Variants in LYZ observed in about 807,000 individuals in gnomAD.
LYZ encodes the protein lysozyme, also known as lysozyme C.
LYZ carries 18 observed loss-of-function variants against 15.8 expected under a neutral mutation model. The ratio of observed to expected loss-of-function variants is 1.14; its 90% CI spans 0.79 to 1.69. The LOEUF (loss-of-function observed/expected upper bound fraction) is 1.69. Among genes scored for constraint, LYZ ranks in the 40% most tolerant of loss-of-function variants. LYZ has a pLI of 0.00. For missense variants in LYZ, 139 were observed against 182.8 expected (o/e 0.76, Z 1.38); for synonymous variants, 60 against 61.7 (o/e 0.97, Z 0.13).
Position 69,353,692 on chromosome 12 carries a change from G to A in LYZ, c.*473G>A, listed in dbSNP as rs1874899583. 2 of 205,772 alleles carry A rather than the reference G, an allele frequency of 9.7e-6. No homozygotes were observed. Among genetic ancestry groups the A allele is most frequent in the Admixed American group, 5.4e-5 (1 of 18,548 alleles). The allele number at this position is 205,772 out of a possible 1,614,324, so 12.7% of individuals were successfully genotyped here. On this transcript the variant is annotated 3_prime_UTR_variant, in exon 4 of 4. Transcript: ENST00000261267. Reference sequence around the variant, plus strand: ...TTTAGTAGAGACAGGGTTTCACCGTGTTAGCCAGGATGGTCTCGATCTCCT... The same window carrying A: ...TTTAGTAGAGACAGGGTTTCACCGTATTAGCCAGGATGGTCTCGATCTCCT...
chr12:69,350,365 C>A, intron 2 of LYZ, 93 bp downstream of exon 2: 1 of 1,242,816 alleles, frequency 8.0e-7, no homozygotes, highest in Non-Finnish European at 1.2e-6. Flanking sequence ...CATGAGGGAC[C>A]TAGAAAAACT....
chr12:69,348,483 G>T lies in LYZ; in HGVS notation c.75G>T (p.Glu25Asp). The change falls in exon 1 of 4, where the codon GAG (glutamate) becomes GAT (aspartate). Residue 25 changes from glutamate (E) to aspartate (D), a missense_variant. Transcript: ENST00000261267. Reference sequence around the variant, plus strand: ...AGGGCAAGGTCTTTGAAAGGTGTGAGTTGGCCAGAACTCTGAAAAGATTGG... The same window carrying T: ...AGGGCAAGGTCTTTGAAAGGTGTGATTTGGCCAGAACTCTGAAAAGATTGG... The part of the protein sequence containing the change: ...TVQGKVFERC[E>D]LARTLKRLGM... 6.2e-7 allele frequency: 1 copy of T among 1,614,206 alleles called. No individual in the cohort carries two copies. The highest frequency in any genetic ancestry group is 8.5e-7 in the Non-Finnish European group (1 of 1,180,040).
Position 69,353,224 on chromosome 12 carries a change from A to C in LYZ, c.*5A>C. On this transcript the variant is annotated 3_prime_UTR_variant, in exon 4 of 4. Coordinates refer to ENST00000261267, the MANE Select transcript of LYZ (RefSeq NM_000239.3). Reference sequence around the variant, plus strand: ...GTTCAAGGTTGTGGAGTGTAACTCCAGAATTTTCCTTCTTCAGCTCATTTT... The same window carrying C: ...GTTCAAGGTTGTGGAGTGTAACTCCCGAATTTTCCTTCTTCAGCTCATTTT... The C allele has an allele frequency of 6.2e-7, 1 of 1,612,830 alleles. No homozygotes were observed. Among genetic ancestry groups the C allele is most frequent in the Non-Finnish European group, 8.5e-7 (1 of 1,178,778 alleles).
chr12:69,350,235 C>A lies in LYZ; in HGVS notation c.264C>A (p.Thr88=). 6.2e-7 allele frequency: 1 copy of A among 1,614,010 alleles called. No homozygotes were observed. Among genetic ancestry groups the A allele is most frequent in the Non-Finnish European group, 8.5e-7 (1 of 1,179,980 alleles). Residue 88 remains threonine, a synonymous_variant, in exon 2 of 4, where the codon ACC becomes ACA. Coordinates refer to ENST00000261267, the MANE Select transcript of LYZ (RefSeq NM_000239.3). ...NSRYWCNDGK[T]PGAVNACHLS... ...GCTACTGGTGTAATGATGGCAAAAC[C>A]CCAGGAGCAGTTAATGCCTGTCATT...
At position 69,353,245 on chromosome 12, in the gene LYZ, A is replaced by G. The variant is rs749506970; in HGVS notation, c.*26A>G. 2.6e-6 allele frequency: 4 copies of G among 1,565,864 alleles called. No homozygotes were observed. Among genetic ancestry groups the G allele is most frequent in the Non-Finnish European group, 3.5e-6 (4 of 1,136,170 alleles). ...CTCCAGAATTTTCCTTCTTCAGCTC[A>G]TTTTGTCTCTCTCACATTAAGGGAG... On this transcript the variant is annotated 3_prime_UTR_variant, in exon 4 of 4. Coordinates refer to ENST00000261267, the MANE Select transcript of LYZ (RefSeq NM_000239.3).
chr12:69,352,399 A>G, intron 3 of LYZ, 101 bp downstream of exon 3: 1 of 872,340 alleles, frequency 1.1e-6, no homozygotes, highest in Admixed American at 2.1e-5. Context: ...TGACACCTCA[A>G]AATTGCAGCT....
intron 2 of LYZ, 71 bp downstream of exon 2, chr12:69,350,343 C>A (rs779167546): frequency 1.3e-6 from 2 of 1,535,334 alleles, no homozygotes; most frequent in Non-Finnish European, 9.0e-7. Flanking sequence ...AATGAAAAAG[C>A]CTTGAAAGGT....
At chr12:69,352,589 G>A (rs1011016041) in intron 3 of LYZ, among the ~76,000 whole-genome samples, 6 of 152,124 alleles carry the variant, frequency 3.9e-5, no homozygotes, top group Admixed American at 3.9e-4. Flanking sequence ...ATAAGTAAGT[G>A]TGGGCCGGGC....
chr12:69,351,293 G>A (rs1312123794), intron 2 of LYZ, among the ~76,000 whole-genome samples: 3 of 151,720 alleles, frequency 2.0e-5, no homozygotes, highest in Non-Finnish European at 1.5e-5. Context: ...CAGAAATCTT[G>A]CAAAGTTGAT....
chr12:69,351,868 A>C (rs574791821), intron 2 of LYZ, among the ~76,000 whole-genome samples: 2 of 152,286 alleles, frequency 1.3e-5, no homozygotes, highest in East Asian at 3.8e-4. Flanking sequence ...CTTTTTGTAT[A>C]CATCTTTGGG....
At position 69,348,503 on chromosome 12, in the gene LYZ, G is replaced by C. The variant is rs367859472; in HGVS notation, c.95G>C (p.Arg32Thr). Residue 32 changes from arginine to threonine, a missense_variant, in exon 1 of 4, where the codon AGA (arginine) becomes ACA (threonine). Physicochemically the swap from Arg to Thr is moderately conservative, Grantham distance 71. Transcript: ENST00000261267. Reference protein sequence around the residue: ...ERCELARTLKRLGMDGYRGIS... With the variant: ...ERCELARTLKTLGMDGYRGIS... ...TGTGAGTTGGCCAGAACTCTGAAAA[G>C]ATTGGGAATGGATGGCTACAGGGGA... The C allele has an allele frequency of 1.1e-5, 17 of 1,614,102 alleles. No individual in the cohort carries two copies. The highest frequency in any genetic ancestry group is 1.4e-5 in the Non-Finnish European group (16 of 1,180,044).
intron 1 of LYZ, 25 bp downstream of exon 1, chr12:69,348,569 G>C: frequency 6.2e-7 from 1 of 1,613,874 alleles, no homozygotes; most frequent in South Asian, 1.1e-5. Flanking sequence ...CATAATTCCA[G>C]AGAATTAGCT....
intron 1 of LYZ, among the ~76,000 whole-genome samples, chr12:69,349,796 T>C (rs1310805037): frequency 1.3e-5 from 2 of 152,196 alleles, no homozygotes; most frequent in African/African-American, 4.8e-5. Flanking sequence ...TCTGTTGATT[T>C]TTCTGTTCTT....
At position 69,352,266 on chromosome 12, in the gene LYZ, G is replaced by A. The variant is rs200491782; in HGVS notation, c.348G>A (p.Arg116=). 2 of 1,613,972 alleles carry A rather than the reference G, an allele frequency of 1.2e-6. No homozygotes were observed. Among genetic ancestry groups the A allele is most frequent in the East Asian group, 2.2e-5 (1 of 44,860 alleles). ...CTGATGCTGTAGCTTGTGCAAAGAG[G>A]GTTGTCCGTGATCCACAAGGCATTA... The part of the protein sequence containing the change: ...NIADAVACAK[R]VVRDPQGIRA... The change falls in exon 3 of 4, where the codon AGG becomes AGA. Residue 116 remains arginine (R), a synonymous_variant. Transcript: ENST00000261267.
chr12:69,349,177 A>G (rs1256219148), intron 1 of LYZ, among the ~76,000 whole-genome samples: 2 of 151,482 alleles, frequency 1.3e-5, no homozygotes, highest in East Asian at 3.9e-4. Flanking sequence ...AATTTTTTGT[A>G]TTTTCAGTAC....
intron 2 of LYZ, 90 bp downstream of exon 2, chr12:69,350,362 G>C: frequency 7.4e-7 from 1 of 1,352,896 alleles, no homozygotes; most frequent in Non-Finnish European, 1.1e-6. Context: ...GTTCATGAGG[G>C]ACCTAGAAAA....
intron 3 of LYZ, 66 bp from the exon 4 acceptor site, chr12:69,353,087 G>A (rs560228565): frequency 2.3e-5 from 25 of 1,088,570 alleles, no homozygotes; most frequent in Middle Eastern, 2.0e-4. Context: ...CAAGGAGTGC[G>A]AAGTATGTAT....
At position 69,353,645 on chromosome 12, in the gene LYZ, C is replaced by T. The variant is rs980457915; in HGVS notation, c.*426C>T. ...CTGGGATTACGGGCGCCCGCCACCA[C>T]GCCCGGCTAATTTTTTGTATTTTTA... On this transcript the variant is annotated 3_prime_UTR_variant, in exon 4 of 4. Transcript: ENST00000261267. 9.0e-5 allele frequency: 20 copies of T among 221,594 alleles called. No individual in the cohort carries two copies. Among genetic ancestry groups the T allele is most frequent in the South Asian group, 3.7e-4 (6 of 16,050 alleles). The allele number at this position is 221,594 out of a possible 1,614,324, so 13.7% of individuals were successfully genotyped here.
chr12:69,348,718 T>A (rs1313571664), intron 1 of LYZ, among the ~76,000 whole-genome samples, 174 bp downstream of exon 1: 1 of 152,186 alleles, frequency 6.6e-6, no homozygotes, highest in East Asian at 1.9e-4. Flanking sequence ...AGATACCCGA[T>A]AAAGGAATAC....
Sources: allele counts gnomAD v4.1 joint callset (sites outside exome capture counted in the v4.1 genomes callset), GRCh38; gene constraint gnomAD v4.1.1; transcripts MANE v1.5; gene names NCBI Gene and HGNC (gene_info 2026-07-23, HGNC 2026-07-21).